LRP1B: variants seen among roughly 807,000 people sequenced by gnomAD.
The protein encoded by LRP1B is low-density lipoprotein receptor-related protein 1B.
LRP1B carries 217 observed loss-of-function variants against 556.6 expected under a neutral mutation model. The observed-to-expected ratio is 0.39, with a 90% CI of 0.35 to 0.44. The LOEUF is 0.44. Among genes scored for constraint, LRP1B ranks in the 20% least tolerant of loss-of-function variants. LRP1B has a pLI of 1.00. For synonymous variants in LRP1B, 2,047 were observed against 1,865.8 expected (o/e 1.10, Z -2.50); for missense variants, 5,053 against 5,620.8 (o/e 0.90, Z 3.23).
In LRP1B at chr2:140,868,271, A is replaced by G. The variant is rs1347413083; in HGVS notation, c.4170-8T>C. ...TCTGTCCAGAAAAGAATTCTAAAAA[A>G]AAAAAAAAAAAAAGAAATAATACTA... On this transcript the variant is annotated splice_polypyrimidine_tract_variant and splice_region_variant and intron_variant, in intron 25 of 90. Transcript: ENST00000389484. 3 of 1,556,620 alleles carry G rather than the reference A, an allele frequency of 1.9e-6. No individual in the cohort carries two copies. The highest frequency in any genetic ancestry group is 2.6e-6 in the Non-Finnish European group (3 of 1,159,140).
intron 7 of LRP1B, among the ~76,000 whole-genome samples, chr2:141,128,267 C>G (rs546290198): frequency 6.6e-6 from 1 of 152,276 alleles, no homozygotes; most frequent in African/African-American, 2.4e-5. Context: ...CAATCCTTCA[C>G]TAGTTGGAAA....
intron 2 of LRP1B, among the ~76,000 whole-genome samples, chr2:141,601,599 TTTCCTTCC>T (rs59436887): frequency 0.27 from 37,290 of 140,564 alleles, 5,255 homozygotes; most frequent in East Asian, 0.41. Context: ...GTAGCACTCC[TTTCCTTCC>T]TTCCTTCCTT....
At chr2:141,664,535 A>G (rs944011738) in intron 2 of LRP1B, among the ~76,000 whole-genome samples, 4 of 152,198 alleles carry the variant, frequency 2.6e-5, no homozygotes, top group Non-Finnish European at 5.9e-5. Flanking sequence ...TCAATGTGCA[A>G]AAGTCACAAG....
intron 15 of LRP1B, among the ~76,000 whole-genome samples, chr2:140,999,339 T>C (rs1217766094): frequency 6.6e-6 from 1 of 152,080 alleles, no homozygotes; most frequent in Non-Finnish European, 1.5e-5. Context: ...GCAATGAGTA[T>C]AGACAAAATC....
intron 6 of LRP1B, among the ~76,000 whole-genome samples, chr2:141,198,674 T>G (rs1681855357): frequency 6.6e-6 from 1 of 152,172 alleles, no homozygotes; most frequent in East Asian, 1.9e-4. Flanking sequence ...AATTCCTTCT[T>G]CTAGCACAGG....
chr2:141,559,437 G>A (rs889517711), intron 2 of LRP1B, among the ~76,000 whole-genome samples: 1 of 151,596 alleles, frequency 6.6e-6, no homozygotes, highest in Admixed American at 6.6e-5. Flanking sequence ...AAAATGAGGT[G>A]TCACTTTATA....
chr2:140,925,446 C>CT (rs1694857914), intron 20 of LRP1B, among the ~76,000 whole-genome samples: 1 of 152,178 alleles, frequency 6.6e-6, no homozygotes, highest in South Asian at 2.1e-4. Context: ...AATGAAAGGG[C>CT]TTTTTTTCTT....
intron 21 of LRP1B, among the ~76,000 whole-genome samples, chr2:140,922,390 A>G (rs1694763686): frequency 6.6e-6 from 1 of 151,942 alleles, no homozygotes; most frequent in Non-Finnish European, 1.5e-5. Context: ...AGCCCCAATG[A>G]CCCTCAAATC....
chr2:141,018,105 A>G (rs550350339), intron 12 of LRP1B, among the ~76,000 whole-genome samples: 1 of 152,208 alleles, frequency 6.6e-6, no homozygotes, highest in South Asian at 2.1e-4. Flanking sequence ...AATAAGCAGG[A>G]ACTAATACAA....
At chr2:140,917,898 C>T (rs769320933) in intron 21 of LRP1B, among the ~76,000 whole-genome samples, 5 of 152,170 alleles carry the variant, frequency 3.3e-5, no homozygotes, top group Non-Finnish European at 5.9e-5. Flanking sequence ...AAATGTACCA[C>T]TTTGGTGCAG....
At chr2:140,326,310 C>T (rs959060130) in intron 79 of LRP1B, among the ~76,000 whole-genome samples, 6 of 151,440 alleles carry the variant, frequency 4.0e-5, no homozygotes, top group East Asian at 1.9e-4. Flanking sequence ...AATTCCTTCA[C>T]GAAGGTACAG....
chr2:141,217,519 G>C (rs1682862809), intron 6 of LRP1B, among the ~76,000 whole-genome samples: 1 of 152,076 alleles, frequency 6.6e-6, no homozygotes, highest in Non-Finnish European at 1.5e-5. Flanking sequence ...ATGGTGCTGA[G>C]AAAACCAGCT....
At chr2:140,688,791 A>C (rs1054766113) in intron 41 of LRP1B, among the ~76,000 whole-genome samples, 1 of 152,218 alleles carries the variant, frequency 6.6e-6, no homozygotes, top group Non-Finnish European at 1.5e-5. Flanking sequence ...CCTACTGGAT[A>C]ATTACAGACT....
chr2:142,056,427 A>G (rs1031305250), intron 1 of LRP1B, among the ~76,000 whole-genome samples: 1 of 152,104 alleles, frequency 6.6e-6, no homozygotes, highest in Non-Finnish European at 1.5e-5. Context: ...ATCACTACTT[A>G]TGGATAAGAC....
chr2:140,674,357 C>T (rs1333286163), intron 41 of LRP1B, among the ~76,000 whole-genome samples: 2 of 152,182 alleles, frequency 1.3e-5, no homozygotes, highest in Non-Finnish European at 2.9e-5. Flanking sequence ...GAGAGTCAAA[C>T]ACCTTTTAAA....
chr2:141,765,923 G>T (rs1209432544), intron 2 of LRP1B, among the ~76,000 whole-genome samples: 1 of 152,084 alleles, frequency 6.6e-6, no homozygotes, highest in Non-Finnish European at 1.5e-5. Context: ...AGATGATTCT[G>T]CTGTACATTC....
chr2:140,245,213 C>T (rs1435463899), intron 87 of LRP1B, among the ~76,000 whole-genome samples: 1 of 151,344 alleles, frequency 6.6e-6, no homozygotes, highest in African/African-American at 2.4e-5. Flanking sequence ...CTATTTGCAA[C>T]TCTTTCCCCT....
intron 1 of LRP1B, among the ~76,000 whole-genome samples, chr2:142,037,622 A>G (rs1217486091): frequency 6.6e-6 from 1 of 151,594 alleles, no homozygotes; most frequent in Non-Finnish European, 1.5e-5. Context: ...TTCAGGGGAA[A>G]TGTACTCTCT....
chr2:141,057,618 T>A (rs1056874160), intron 9 of LRP1B, among the ~76,000 whole-genome samples: 1 of 149,762 alleles, frequency 6.7e-6, no homozygotes, highest in African/African-American at 2.5e-5. Context: ...AAAAGGGGGG[T>A]TTTCCTGCAC....
Sources: allele counts gnomAD v4.1 joint callset (sites outside exome capture counted in the v4.1 genomes callset), GRCh38; gene constraint gnomAD v4.1.1; transcripts MANE v1.5; gene names NCBI Gene and HGNC (gene_info 2026-07-23, HGNC 2026-07-21).